The following NTM variants were observed in gnomAD, a reference collection of about 807,000 sequenced individuals.
NTM encodes IgLON family member 2.
Under a neutral mutation model 42.1 loss-of-function variants are expected in NTM, and 13 were observed. The ratio of observed to expected loss-of-function variants is 0.31; its 90% confidence interval spans 0.20 to 0.49. NTM has a LOEUF of 0.49. NTM is among the 20% of genes least tolerant of loss of function. The pLI is 0.99. For synonymous variants in NTM, 187 were observed against 179.2 expected (o/e 1.04, Z -0.35); for missense variants, 373 against 452.8 (o/e 0.82, Z 1.60).
intron 2 of NTM, among the ~76,000 whole-genome samples, chr11:132,103,811 A>T (rs1255739671): frequency 6.6e-6 from 1 of 152,100 alleles, no homozygotes; most frequent in East Asian, 1.9e-4. Flanking sequence ...CCCAGGCTGG[A>T]GGGTTAAATG....
chr11:131,438,996 G>T (rs755865467), intron 1 of NTM, among the ~76,000 whole-genome samples: 1 of 152,188 alleles, frequency 6.6e-6, no homozygotes, highest in African/African-American at 2.4e-5. Context: ...TGTTGATGCT[G>T]ATGCTATTCT....
intron 1 of NTM, among the ~76,000 whole-genome samples, chr11:131,653,812 G>T (rs2066822127): frequency 6.6e-6 from 1 of 150,964 alleles, no homozygotes; most frequent in South Asian, 2.1e-4. Context: ...CTTTCGGAAT[G>T]ACCAGGATAC....
chr11:132,072,776 C>T (rs2057866309), intron 2 of NTM, among the ~76,000 whole-genome samples: 1 of 152,138 alleles, frequency 6.6e-6, no homozygotes, highest in Admixed American at 6.5e-5. Context: ...GGCACAGGGG[C>T]CTCTGCGGGA....
chr11:132,112,879 C>T (rs1051980452), intron 2 of NTM, among the ~76,000 whole-genome samples: 7 of 152,124 alleles, frequency 4.6e-5, no homozygotes, highest in African/African-American at 1.7e-4. Context: ...TTTTAAAGAT[C>T]ACAGAGATAA....
At chr11:131,566,179 C>T (rs535955383) in intron 1 of NTM, among the ~76,000 whole-genome samples, 101 of 152,270 alleles carry the variant, frequency 6.6e-4, no homozygotes, top group African/African-American at 2.2e-3. Flanking sequence ...TCTATCACGG[C>T]GCTTATGGTG....
intron 2 of NTM, among the ~76,000 whole-genome samples, chr11:131,918,044 C>T (rs1198714409): frequency 6.6e-6 from 1 of 152,190 alleles, no homozygotes; most frequent in East Asian, 1.9e-4. Context: ...CTCCTTTCTC[C>T]CTCTTTTAAA....
At chr11:132,106,259 C>G (rs969548499) in intron 2 of NTM, among the ~76,000 whole-genome samples, 1 of 152,204 alleles carries the variant, frequency 6.6e-6, no homozygotes, top group Non-Finnish European at 1.5e-5. Flanking sequence ...GATACCAACA[C>G]GGCTCCCTCT....
intron 1 of NTM, among the ~76,000 whole-genome samples, chr11:131,738,254 A>C (rs2080739724): frequency 6.6e-6 from 1 of 152,182 alleles, no homozygotes; most frequent in South Asian, 2.1e-4. Flanking sequence ...TGCTTGCCAC[A>C]GTGTGGGGGT....
intron 3 of NTM, among the ~76,000 whole-genome samples, chr11:132,167,929 G>A (rs1395958814): frequency 6.6e-6 from 1 of 152,124 alleles, no homozygotes; most frequent in Non-Finnish European, 1.5e-5. Flanking sequence ...AATCACTTCC[G>A]ATGAAAAACG....
chr11:132,051,951 G>A (rs1376245870), intron 2 of NTM, among the ~76,000 whole-genome samples: 1 of 152,208 alleles, frequency 6.6e-6, no homozygotes, highest in African/African-American at 2.4e-5. Context: ...CTCACTGAGG[G>A]ATGTTACTAG....
chr11:132,004,604 TTTC>T (rs1348132643), intron 2 of NTM, among the ~76,000 whole-genome samples: 1 of 83,170 alleles, frequency 1.2e-5, no homozygotes, highest in African/African-American at 4.2e-5. Context: ...TCTTTCTCTC[TTTC>T]TCTCTCTCTC....
chr11:131,779,566 A>G (rs1324362384), intron 1 of NTM, among the ~76,000 whole-genome samples: 1 of 152,178 alleles, frequency 6.6e-6, no homozygotes, highest in Non-Finnish European at 1.5e-5. Flanking sequence ...AAATAATTAT[A>G]TAAACAAAAT....
intron 3 of NTM, among the ~76,000 whole-genome samples, chr11:132,201,804 C>T (rs2138473815): frequency 6.6e-6 from 1 of 152,328 alleles, no homozygotes; most frequent in East Asian, 1.9e-4. Flanking sequence ...ATTATACCTA[C>T]ATATTTTATT....
At chr11:131,981,335 A>G (rs899445623) in intron 2 of NTM, 14 of 152,298 alleles carry the variant, frequency 9.2e-5, no homozygotes, top group South Asian at 2.1e-4. Context: ...AAGAGCTCCA[A>G]TGTGCCTCTG....
chr11:131,992,071 G>A (rs900340002), intron 2 of NTM, among the ~76,000 whole-genome samples: 5 of 152,094 alleles, frequency 3.3e-5, no homozygotes, highest in Non-Finnish European at 7.4e-5. Flanking sequence ...TAACTGCATG[G>A]ATCCACTTAT....
At chr11:131,646,069 G>T (rs1259385625) in intron 1 of NTM, among the ~76,000 whole-genome samples, 3 of 152,242 alleles carry the variant, frequency 2.0e-5, no homozygotes, top group African/African-American at 7.2e-5. Context: ...ATTGATAAGA[G>T]GATAAGCCCA....
chr11:132,326,273 C>T (rs1017182838), intron 7 of NTM, among the ~76,000 whole-genome samples: 8 of 151,964 alleles, frequency 5.3e-5, no homozygotes, highest in African/African-American at 1.9e-4. Context: ...TCAGAAGGAC[C>T]GAGCTAGTTC....
intron 4 of NTM, among the ~76,000 whole-genome samples, chr11:132,270,046 C>T (rs1403326062): frequency 6.6e-6 from 1 of 152,170 alleles, no homozygotes; most frequent in Non-Finnish European, 1.5e-5. Flanking sequence ...TCTCTCTCCT[C>T]AGCGTCCTAC....
At chr11:131,678,925 C>T (rs914289473) in intron 1 of NTM, among the ~76,000 whole-genome samples, 2 of 152,208 alleles carry the variant, frequency 1.3e-5, no homozygotes, top group Non-Finnish European at 2.9e-5. Context: ...CTAACACGTC[C>T]GTCTTCTTGC....
Sources: allele counts gnomAD v4.1 joint callset (sites outside exome capture counted in the v4.1 genomes callset), GRCh38; gene constraint gnomAD v4.1.1; transcripts MANE v1.5; gene names NCBI Gene and HGNC (gene_info 2026-07-23, HGNC 2026-07-21).